ENOX1: variants seen among roughly 807,000 people sequenced by gnomAD.
The protein encoded by ENOX1 is candidate growth-related and time keeping constitutive hydroquinone (NADH) oxidase.
A neutral mutation model predicts 82.5 loss-of-function variants in ENOX1; 42 were observed. The observed-to-expected ratio is 0.51, with a 90% CI of 0.40 to 0.66. The LOEUF is 0.66. ENOX1 is among the 30% of genes least tolerant of loss of function. The probability of loss-of-function intolerance (pLI) is 0.00; values close to 1 mark genes in which losing one functional copy is unlikely to be tolerated. For missense variants in ENOX1, 608 were observed against 811.6 expected (o/e 0.75, Z 3.05); for synonymous variants, 271 against 282.2 (o/e 0.96, Z 0.40).
At chr13:43,585,732 C>A (rs2080948056) in intron 2 of ENOX1, among the ~76,000 whole-genome samples, 2 of 152,160 alleles carry the variant, frequency 1.3e-5, no homozygotes, top group South Asian at 4.1e-4. Context: ...CTCCTGCCAC[C>A]ACGCCCCATT....
At chr13:43,461,961 A>G (rs2057506105) in intron 3 of ENOX1, among the ~76,000 whole-genome samples, 1 of 152,212 alleles carries the variant, frequency 6.6e-6, no homozygotes, top group African/African-American at 2.4e-5. Flanking sequence ...CTGGATAAAC[A>G]TACAAAGCTT....
chr13:43,647,607 T>C (rs548836852), intron 2 of ENOX1, among the ~76,000 whole-genome samples: 2 of 152,342 alleles, frequency 1.3e-5, no homozygotes, highest in East Asian at 1.9e-4. Context: ...ATATACATTC[T>C]GGAAGAGAAA....
chr13:43,766,629 G>A (rs974100067), intron 1 of ENOX1, among the ~76,000 whole-genome samples: 2 of 152,162 alleles, frequency 1.3e-5, no homozygotes, highest in Non-Finnish European at 2.9e-5. Flanking sequence ...TGTATTTCAT[G>A]ATTATTTTAA....
At chr13:43,229,443 C>T (rs1035235969) in intron 15 of ENOX1, among the ~76,000 whole-genome samples, 3 of 152,134 alleles carry the variant, frequency 2.0e-5, no homozygotes, top group Admixed American at 6.5e-5. Context: ...TGGAAGTGAG[C>T]TGGCAGAACA....
chr13:43,750,284 C>A (rs1176531197), intron 1 of ENOX1, among the ~76,000 whole-genome samples: 3 of 152,162 alleles, frequency 2.0e-5, no homozygotes, highest in Non-Finnish European at 2.9e-5. Context: ...ACAGTAGAAT[C>A]AGTGCAGATG....
intron 2 of ENOX1, among the ~76,000 whole-genome samples, chr13:43,656,227 G>A (rs921615592): frequency 2.0e-5 from 3 of 152,112 alleles, no homozygotes; most frequent in African/African-American, 7.2e-5. Flanking sequence ...CATTAAAAGG[G>A]TAAAATAATT....
At chr13:43,741,701 T>C (rs1490750695) in intron 1 of ENOX1, among the ~76,000 whole-genome samples, 1 of 152,210 alleles carries the variant, frequency 6.6e-6, no homozygotes, top group Non-Finnish European at 1.5e-5. Context: ...CTTTTTCACT[T>C]TTTTATGGTG....
At chr13:43,215,186 C>T (rs562350824) in intron 16 of ENOX1, among the ~76,000 whole-genome samples, 168 of 152,220 alleles carry the variant, frequency 1.1e-3, no homozygotes, top group South Asian at 1.9e-3. Context: ...AAAAGAGACA[C>T]CAAATAGACC....
chr13:43,759,298 A>G (rs571984245), intron 1 of ENOX1, among the ~76,000 whole-genome samples: 1 of 151,978 alleles, frequency 6.6e-6, no homozygotes, highest in Non-Finnish European at 1.5e-5. Context: ...CGGTTTCACC[A>G]TGTTGGCCAT....
chr13:43,499,041 C>G lies in ENOX1; in HGVS notation c.-218-14889G>C, dbSNP rs118054957. Among the ~76,000 whole-genome samples the G allele has an allele frequency of 1.6e-3, 239 of 152,218 alleles. 1 individual carries two copies. The East Asian group carries it at 0.041, about 26-fold the overall frequency. Reference sequence around the variant, plus strand: ...TACCTTTGATATTATGATAAATGTACTTTACCACTGTGGTATTTTTCCCTA... The same window carrying G: ...TACCTTTGATATTATGATAAATGTAGTTTACCACTGTGGTATTTTTCCCTA... On this transcript the variant is annotated intron_variant, in intron 2 of 16. Coordinates refer to ENST00000690772, the MANE Select transcript of ENOX1 (RefSeq NM_001347969.2).
chr13:43,373,094 A>G (rs2051351555), intron 5 of ENOX1, among the ~76,000 whole-genome samples: 1 of 152,090 alleles, frequency 6.6e-6, no homozygotes. Flanking sequence ...ACATTATATC[A>G]TTTGTGTGTG....
At chr13:43,395,045 AT>A (rs1415354043) in intron 5 of ENOX1, among the ~76,000 whole-genome samples, 1 of 152,166 alleles carries the variant, frequency 6.6e-6, no homozygotes, top group Non-Finnish European at 1.5e-5. Context: ...TGCCATGAGC[AT>A]GGGAATAGCG....
chr13:43,555,424 T>C (rs2079390500), intron 2 of ENOX1, among the ~76,000 whole-genome samples: 1 of 152,240 alleles, frequency 6.6e-6, no homozygotes, highest in South Asian at 2.1e-4. Context: ...AGTCTATAAA[T>C]ACTTGACTTT....
intron 3 of ENOX1, among the ~76,000 whole-genome samples, chr13:43,481,668 A>G (rs533330791): frequency 3.9e-5 from 6 of 152,306 alleles, no homozygotes; most frequent in African/African-American, 1.4e-4. Context: ...GTAGAATTAT[A>G]TCAAATTAAA....
At chr13:43,266,104 A>C (rs2044355855) in intron 13 of ENOX1, among the ~76,000 whole-genome samples, 1 of 152,212 alleles carries the variant, frequency 6.6e-6, no homozygotes, top group African/African-American at 2.4e-5. Context: ...ATCAGTTATA[A>C]GGAGGTTTCA....
chr13:43,591,575 G>C (rs958039326), intron 2 of ENOX1, among the ~76,000 whole-genome samples: 1 of 152,178 alleles, frequency 6.6e-6, no homozygotes, highest in Non-Finnish European at 1.5e-5. Context: ...ATGGTCTTTA[G>C]CTGGGCAGTG....
At chr13:43,249,375 A>T (rs1301563367) in intron 14 of ENOX1, among the ~76,000 whole-genome samples, 1 of 152,200 alleles carries the variant, frequency 6.6e-6, no homozygotes, top group African/African-American at 2.4e-5. Flanking sequence ...TCACAGTCTG[A>T]AAAAGTACTA....
chr13:43,780,755 G>A (rs1468650756), intron 1 of ENOX1, among the ~76,000 whole-genome samples: 1 of 152,202 alleles, frequency 6.6e-6, no homozygotes, highest in Non-Finnish European at 1.5e-5. Flanking sequence ...GTAACTCTGG[G>A]CTCTATCCCT....
intron 15 of ENOX1, among the ~76,000 whole-genome samples, chr13:43,233,443 T>C (rs1032400613): frequency 6.6e-6 from 1 of 152,188 alleles, no homozygotes; most frequent in Non-Finnish European, 1.5e-5. Flanking sequence ...CTCTAATAAA[T>C]ATCAACTTTA....
Sources: allele counts gnomAD v4.1 joint callset (sites outside exome capture counted in the v4.1 genomes callset), GRCh38; gene constraint gnomAD v4.1.1; transcripts MANE v1.5; gene names NCBI Gene and HGNC (gene_info 2026-07-23, HGNC 2026-07-21).